CYP4X1: variants seen among roughly 807,000 people sequenced by gnomAD.
CYP4X1 encodes cytochrome P450 family 4 subfamily X member 1.
In CYP4X1, 44 loss-of-function variants were observed where a neutral mutation model predicts 57.9. The observed-to-expected ratio is 0.76, with a 90% CI of 0.60 to 0.98. CYP4X1 has a LOEUF of 0.98. Ranked by LOEUF, CYP4X1 falls within the 50% of genes least tolerant of loss-of-function variation. The probability of loss-of-function intolerance (pLI) is 0.00; values close to 1 mark genes in which losing one functional copy is unlikely to be tolerated. For missense variants in CYP4X1, 532 were observed against 623.9 expected (o/e 0.85, Z 1.57); for synonymous variants, 227 against 228.6 (o/e 0.99, Z 0.06).
chr1:46,989,746 A>G, the CYP4X1 span, among the ~76,000 whole-genome samples: 1 of 152,214 alleles, frequency 6.6e-6, no homozygotes, highest in Non-Finnish European at 1.5e-5. Flanking sequence ...AAATAACACC[A>G]CATATCTACA....
chr1:46,995,023 T>C, the CYP4X1 span, among the ~76,000 whole-genome samples: 1 of 152,202 alleles, frequency 6.6e-6, no homozygotes, highest in Non-Finnish European at 1.5e-5. Flanking sequence ...CAATACTCCC[T>C]GTCCCAGGTG....
At chr1:47,037,272 A>ATTTTT (rs34146521) in intron 6 of CYP4X1, among the ~76,000 whole-genome samples, 1 of 115,872 alleles carries the variant, frequency 8.6e-6, no homozygotes, top group Non-Finnish European at 1.7e-5. Context: ...AACCTTTTCA[A>ATTTTT]TTTTTTTTTT....
the CYP4X1 span, among the ~76,000 whole-genome samples, chr1:46,986,678 T>C: frequency 1.8e-3 from 277 of 152,296 alleles, 2 homozygotes; most frequent in African/African-American, 6.5e-3. Flanking sequence ...AGACTAACAG[T>C]GGATCTCTCT....
the CYP4X1 span, among the ~76,000 whole-genome samples, chr1:46,992,235 G>C: frequency 0.018 from 2,698 of 152,348 alleles, 64 homozygotes; most frequent in African/African-American, 0.062. Context: ...AGAATCACTT[G>C]AACCCGGGAG....
At chr1:46,982,978 G>A in the CYP4X1 span, among the ~76,000 whole-genome samples, 1 of 152,238 alleles carries the variant, frequency 6.6e-6, no homozygotes, top group Admixed American at 6.5e-5. Context: ...TTGCATAGCT[G>A]CTGCCAATCA....
the CYP4X1 span, among the ~76,000 whole-genome samples, chr1:46,966,098 C>T: frequency 6.6e-6 from 1 of 152,216 alleles, no homozygotes; most frequent in Non-Finnish European, 1.5e-5. Flanking sequence ...GCAAAAATGG[C>T]TGCCACTCCT....
intron 9 of CYP4X1, 70 bp from the exon 10 acceptor site, chr1:47,048,495 T>G: frequency 2.0e-6 from 3 of 1,534,338 alleles, no homozygotes; most frequent in Non-Finnish European, 2.7e-6. Flanking sequence ...ACAAAAGTCT[T>G]GTTTAAGAGC....
In CYP4X1 at chr1:47,032,564, A is replaced by C. The variant is rs1197510154; in HGVS notation, c.365-677A>C. On this transcript the variant is annotated intron_variant, in intron 3 of 11. Coordinates refer to ENST00000371901, the MANE Select transcript of CYP4X1 (RefSeq NM_178033.2). ...CAATGAATGGTATCAATTATGTATTAATAAACTTTAAAGTCCTTTTAAAGC... is the reference window on the plus strand; with the variant it reads ...CAATGAATGGTATCAATTATGTATTCATAAACTTTAAAGTCCTTTTAAAGC... 5.9e-5 allele frequency among the ~76,000 whole-genome samples: 9 copies of C among 152,364 alleles called. No homozygotes were observed. The East Asian group carries it at 1.5e-3, about 26-fold the overall frequency.
At chr1:46,979,695 C>T in the CYP4X1 span, among the ~76,000 whole-genome samples, 13 of 152,220 alleles carry the variant, frequency 8.5e-5, no homozygotes, top group Middle Eastern at 3.4e-3. Flanking sequence ...TTTAGACCAA[C>T]ATCCCTGATG....
chr1:47,029,931 C>T, intron 1 of CYP4X1, 59 bp from the exon 2 acceptor site: 1 of 1,586,216 alleles, frequency 6.3e-7, no homozygotes, highest in Non-Finnish European at 8.6e-7. Context: ...CAGCTTGTGT[C>T]TATAAGAGGG....
chr1:46,979,852 C>T, the CYP4X1 span, among the ~76,000 whole-genome samples: 2 of 152,120 alleles, frequency 1.3e-5, no homozygotes, highest in African/African-American at 4.8e-5. Context: ...TAATCCATCA[C>T]ATAAACAGAA....
chr1:46,961,897 T>C, the CYP4X1 span: 22 of 716,848 alleles, frequency 3.1e-5, no homozygotes, highest in Non-Finnish European at 4.1e-5. Flanking sequence ...CAGTTGCTTT[T>C]TGGGGAGTCA....
the CYP4X1 span, among the ~76,000 whole-genome samples, chr1:46,962,515 G>T: frequency 1.3e-5 from 2 of 152,180 alleles, no homozygotes; most frequent in Non-Finnish European, 2.9e-5. Flanking sequence ...GTGGTAAAGA[G>T]AACACTGGTA....
At chr1:47,014,917 G>T in the CYP4X1 span, among the ~76,000 whole-genome samples, 13 of 152,280 alleles carry the variant, frequency 8.5e-5, no homozygotes, top group Non-Finnish European at 1.8e-4. Flanking sequence ...ATAGCCCACA[G>T]GTCACATGGA....
the CYP4X1 span, among the ~76,000 whole-genome samples, chr1:46,963,661 T>C: frequency 6.6e-6 from 1 of 152,240 alleles, no homozygotes; most frequent in African/African-American, 2.4e-5. Context: ...GACCTTTCTC[T>C]CTGGCTGTCC....
chr1:47,046,430 A>G, intron 8 of CYP4X1, 37 bp from the exon 9 acceptor site: 2 of 1,611,240 alleles, frequency 1.2e-6, no homozygotes, highest in African/African-American at 1.3e-5. Context: ...TAAACTGGTT[A>G]TGATATCTGA....
At chr1:46,980,119 C>G in the CYP4X1 span, among the ~76,000 whole-genome samples, 2 of 152,144 alleles carry the variant, frequency 1.3e-5, no homozygotes, top group Admixed American at 6.5e-5. Context: ...GTTGGAAGTT[C>G]TGGCCAGGAC....
At chr1:47,053,090 C>G (rs1488360505), downstream of CYP4X1, among the ~76,000 whole-genome samples, 1 of 152,040 alleles carries the variant, frequency 6.6e-6, no homozygotes, top group Admixed American at 6.6e-5. Flanking sequence ...ACAACAGTCC[C>G]CAGTGTGTGA....
the CYP4X1 span, among the ~76,000 whole-genome samples, chr1:46,963,334 G>C: frequency 6.6e-6 from 1 of 152,090 alleles, no homozygotes; most frequent in Non-Finnish European, 1.5e-5. Flanking sequence ...AGTTGATGCA[G>C]TTTCTTCCTA....
Sources: allele counts gnomAD v4.1 joint callset (sites outside exome capture counted in the v4.1 genomes callset), GRCh38; gene constraint gnomAD v4.1.1; transcripts MANE v1.5; gene names NCBI Gene and HGNC (gene_info 2026-07-23, HGNC 2026-07-21).